TNR: variants seen among roughly 807,000 people sequenced by gnomAD.
TNR encodes the protein tenascin-R.
TNR carries 45 observed loss-of-function variants against 150.4 expected under a neutral mutation model. The ratio of observed to expected loss-of-function variants is 0.30; its 90% CI spans 0.24 to 0.38. The LOEUF is 0.38. Among genes scored for constraint, TNR ranks in the 10% least tolerant of loss-of-function variants. The pLI, the probability that TNR is intolerant of heterozygous loss-of-function variation, is 1.00. For synonymous variants in TNR, 687 were observed against 678.4 expected, an observed-to-expected ratio of 1.01 and a Z score of -0.20; for missense variants, 1,544 against 1,759.1, an observed-to-expected ratio of 0.88 and a Z score of 2.19.
intron 11 of TNR, among the ~76,000 whole-genome samples, chr1:175,365,535 A>G (rs1019764511): frequency 1.3e-5 from 2 of 152,222 alleles, no homozygotes; most frequent in African/African-American, 4.8e-5. Context: ...CAGGATTGAA[A>G]GCCTGTATCC....
In TNR at chr1:175,504,396, G is replaced by A. The variant is rs114474983; in HGVS notation, c.-64+23873C>T. 6.1e-3 allele frequency among the ~76,000 whole-genome samples: 925 copies of A among 152,210 alleles called. 12 individuals are homozygous for A. The highest frequency in any genetic ancestry group is 0.021 in the African/African-American group (870 of 41,514). ...ATAACTGCTCCACCCAAGCAGAGGAGGCAGGTAGCAGTGAACATAGCTCAC... is the reference window on the plus strand; with the variant it reads ...ATAACTGCTCCACCCAAGCAGAGGAAGCAGGTAGCAGTGAACATAGCTCAC... On this transcript the variant is annotated intron_variant, in intron 2 of 22. Coordinates refer to ENST00000367674, the MANE Select transcript of TNR (RefSeq NM_003285.3).
At chr1:175,431,268 T>C (rs1655248133) in intron 2 of TNR, among the ~76,000 whole-genome samples, 1 of 152,226 alleles carries the variant, frequency 6.6e-6, no homozygotes, top group African/African-American at 2.4e-5. Context: ...ATAAATTTGT[T>C]ATGAAAAGTA....
At position 175,331,118 on chromosome 1, in the gene TNR, C is replaced by CT. The variant is rs1557868373; in HGVS notation, c.3632-884dup. Among the ~76,000 whole-genome samples the CT allele has an allele frequency of 9.0e-4, 97 of 107,342 alleles. 9 individuals carry two copies. The highest frequency in any genetic ancestry group is 3.1e-3 in the African/African-American group (71 of 23,134). 70.4% of individuals were successfully genotyped at this position (107,342 alleles called of 152,430 possible). On this transcript the variant is annotated intron_variant, in intron 20 of 22. Coordinates refer to ENST00000367674, the MANE Select transcript of TNR (RefSeq NM_003285.3). Reference sequence around the variant, plus strand: ...CTTTCTTTCTCTCTCTCTTTCTTTTCTTTCTTTCTTTCTTTTCTTTCTTTC... The same window carrying CT: ...CTTTCTTTCTCTCTCTCTTTCTTTTCTTTTCTTTCTTTCTTTTCTTTCTTTC...
intron 21 of TNR, among the ~76,000 whole-genome samples, chr1:175,327,904 T>C (rs1649501388): frequency 1.3e-5 from 2 of 152,178 alleles, no homozygotes; most frequent in South Asian, 4.1e-4. Flanking sequence ...GGACAGGAGC[T>C]CGAGACCAGC....
chr1:175,482,123 A>C (rs1657835976), intron 2 of TNR, among the ~76,000 whole-genome samples: 1 of 152,242 alleles, frequency 6.6e-6, no homozygotes, highest in African/African-American at 2.4e-5. Context: ...TTTAGGTATT[A>C]GCAACTGGCA....
intron 1 of TNR, among the ~76,000 whole-genome samples, chr1:175,555,190 G>A (rs898047731): frequency 6.6e-6 from 1 of 152,098 alleles, no homozygotes; most frequent in Non-Finnish European, 1.5e-5. Context: ...TATTCCATGG[G>A]TCCCTGCTTT....
chr1:175,544,183 G>C (rs1660602345), intron 1 of TNR, among the ~76,000 whole-genome samples: 3 of 152,166 alleles, frequency 2.0e-5, no homozygotes, highest in Admixed American at 2.0e-4. Flanking sequence ...TCAGATTTTG[G>C]GGGAGATGGG....
intron 4 of TNR, among the ~76,000 whole-genome samples, chr1:175,401,352 C>G (rs2102043515): frequency 6.6e-6 from 1 of 152,192 alleles, no homozygotes; most frequent in South Asian, 2.1e-4. Flanking sequence ...TGGGTGTCCT[C>G]CAGATGGGGT....
intron 1 of TNR, among the ~76,000 whole-genome samples, chr1:175,555,515 GAAA>G (rs56074366): frequency 1.1e-3 from 142 of 127,886 alleles, no homozygotes; most frequent in African/African-American, 3.0e-3. Context: ...ACAACTGAGA[GAAA>G]AAAAAAAAAA....
At chr1:175,692,592 A>G (rs1192360632) in intron 1 of TNR, among the ~76,000 whole-genome samples, 3 of 152,188 alleles carry the variant, frequency 2.0e-5, no homozygotes, top group Non-Finnish European at 4.4e-5. Context: ...AGAGAACACC[A>G]TGGGCAAAGA....
At chr1:175,539,954 G>A (rs1292925253) in intron 1 of TNR, among the ~76,000 whole-genome samples, 1 of 152,164 alleles carries the variant, frequency 6.6e-6, no homozygotes, top group African/African-American at 2.4e-5. Context: ...ATCAAAAGGA[G>A]AGAGGAGAAA....
intron 2 of TNR, among the ~76,000 whole-genome samples, chr1:175,418,983 A>G (rs1053102219): frequency 6.6e-6 from 1 of 152,216 alleles, no homozygotes; most frequent in African/African-American, 2.4e-5. Flanking sequence ...TTGGCCCCAA[A>G]GATGAATTTC....
chr1:175,455,647 A>T (rs773026860), intron 2 of TNR, among the ~76,000 whole-genome samples: 19 of 152,240 alleles, frequency 1.2e-4, no homozygotes, highest in Non-Finnish European at 2.2e-4. Context: ...CATTTGAATG[A>T]CATCCTGAAA....
chr1:175,546,816 G>T (rs551278516), intron 1 of TNR, among the ~76,000 whole-genome samples: 13 of 152,292 alleles, frequency 8.5e-5, no homozygotes, highest in Non-Finnish European at 1.8e-4. Flanking sequence ...AAGGGAAGCA[G>T]GTGAATTTCC....
chr1:175,566,654 C>T (rs1168562890), intron 1 of TNR, among the ~76,000 whole-genome samples: 1 of 152,210 alleles, frequency 6.6e-6, no homozygotes, highest in African/African-American at 2.4e-5. Flanking sequence ...CTCCTACAGT[C>T]ACCACGGAGT....
intron 1 of TNR, among the ~76,000 whole-genome samples, chr1:175,590,175 T>C (rs1662742627): frequency 6.6e-6 from 1 of 152,120 alleles, no homozygotes. Flanking sequence ...GATCCTCTTA[T>C]CAAAAAAGAA....
At chr1:175,501,037 C>A (rs1215553197) in intron 2 of TNR, among the ~76,000 whole-genome samples, 1 of 152,098 alleles carries the variant, frequency 6.6e-6, no homozygotes, top group Non-Finnish European at 1.5e-5. Flanking sequence ...TGGCGAGGAA[C>A]CTGTGAATAT....
At chr1:175,481,764 A>G (rs146972163) in intron 2 of TNR, among the ~76,000 whole-genome samples, 204 of 152,292 alleles carry the variant, frequency 1.3e-3, no homozygotes, top group African/African-American at 4.8e-3. Context: ...GGTCATCCTC[A>G]AGGTCCAGCC....
intron 20 of TNR, among the ~76,000 whole-genome samples, chr1:175,330,998 A>ATTCTTTCTTTCTTTCTTTCT (rs764826338): frequency 2.6e-4 from 19 of 72,824 alleles, no homozygotes; most frequent in East Asian, 9.8e-4. Context: ...CCTCTTGGTG[A>ATTCTTTCTTTCTTTCTTTCT]TTCTTTCTTT....
Sources: gnomAD v4.1 joint callset for allele counts (sites outside exome capture counted in the v4.1 genomes callset) on GRCh38, gnomAD v4.1.1 for gene constraint, MANE v1.5 for transcripts, NCBI Gene and HGNC (gene_info 2026-07-23, HGNC 2026-07-21) for gene names.